ADAMTS20: variants seen among roughly 807,000 people sequenced by gnomAD.
ADAMTS20 encodes the protein A disintegrin and metalloproteinase with thrombospondin motifs 20.
Under a neutral mutation model 260.1 loss-of-function variants are expected in ADAMTS20, and 225 were observed. The ratio of observed to expected loss-of-function variants is 0.87; its 90% CI spans 0.78 to 0.97. The LOEUF is 0.97. Among genes scored for constraint, ADAMTS20 ranks in the 50% least tolerant of loss-of-function variants. The probability of loss-of-function intolerance (pLI) is 0.00; values close to 1 mark genes in which losing one functional copy is unlikely to be tolerated. For synonymous variants in ADAMTS20, 802 were observed against 769.5 expected, an observed-to-expected ratio of 1.04 and a Z score of -0.70; for missense variants, 2,400 against 2,337.7, an observed-to-expected ratio of 1.03 and a Z score of -0.55.
chr12:43,466,614 C>T lies in ADAMTS20; in HGVS notation c.1367+38G>A, dbSNP rs146111978. 3.6e-4 allele frequency: 556 copies of T among 1,546,222 alleles called. 2 individuals are homozygous for T. The African/African-American group carries it at 6.0e-3, about 17-fold the overall frequency. On this transcript the variant is annotated intron_variant, in intron 9 of 38. Coordinates refer to ENST00000389420, the MANE Select transcript of ADAMTS20 (RefSeq NM_025003.5). ...AAATATCAATTTCAAATCTTATAAT[C>T]GAATACATGTTCAATTATTTAACAT...
At chr12:43,428,918 T>A (rs1252435977) in intron 24 of ADAMTS20, 119 bp from the exon 25 acceptor site, 1 of 876,764 alleles carries the variant, frequency 1.1e-6, no homozygotes, top group African/African-American at 1.7e-5. Flanking sequence ...TTTTAAATTA[T>A]TATAGATAAT....
chr12:43,421,479 T>C (rs973029870), intron 28 of ADAMTS20, among the ~76,000 whole-genome samples: 2 of 152,020 alleles, frequency 1.3e-5, no homozygotes, highest in Non-Finnish European at 2.9e-5. Context: ...AATAAATTAC[T>C]TCTAAAATGA....
intron 3 of ADAMTS20, among the ~76,000 whole-genome samples, chr12:43,512,851 A>G (rs1162238780): frequency 6.6e-6 from 1 of 152,228 alleles, no homozygotes; most frequent in African/African-American, 2.4e-5. Context: ...CTCAGTATCA[A>G]TTATTACAGC....
chr12:43,408,989 C>T (rs1221447966), intron 28 of ADAMTS20, among the ~76,000 whole-genome samples: 4 of 152,106 alleles, frequency 2.6e-5, no homozygotes, highest in African/African-American at 9.7e-5. Context: ...TAGTGCTTGA[C>T]ACAATAACCT....
chr12:43,363,535 C>G (rs986216680), intron 37 of ADAMTS20, among the ~76,000 whole-genome samples: 1 of 152,182 alleles, frequency 6.6e-6, no homozygotes, highest in African/African-American at 2.4e-5. Context: ...GGGTGTTACT[C>G]TGAGGAATGG....
At position 43,428,449 on chromosome 12, in the gene ADAMTS20, C is replaced by G; in HGVS notation, c.3737G>C (p.Cys1246Ser). The change falls in exon 26 of 39, where the codon TGT becomes TCT. Residue 1246 changes from cysteine to serine, a missense_variant. Transcript: ENST00000389420. ...NYHQPIDENYCDPEVRPLMEQ... is the reference protein window; with the variant it reads ...NYHQPIDENYSDPEVRPLMEQ... Reference sequence around the variant, plus strand: ...CATCAAAGGGCGAACTTCAGGATCACAGTAATTCTCATCAATTGGCTGATG... The same window carrying G: ...CATCAAAGGGCGAACTTCAGGATCAGAGTAATTCTCATCAATTGGCTGATG... 1 of 1,613,904 alleles carries G rather than the reference C, an allele frequency of 6.2e-7. No individual in the cohort carries two copies. Among genetic ancestry groups the G allele is most frequent in the Non-Finnish European group, 8.5e-7 (1 of 1,179,882 alleles).
intron 31 of ADAMTS20, among the ~76,000 whole-genome samples, chr12:43,382,100 T>C (rs1472318705): frequency 6.6e-6 from 1 of 152,114 alleles, no homozygotes; most frequent in Non-Finnish European, 1.5e-5. Flanking sequence ...AAATATTAAA[T>C]AGAGTTATGA....
intron 23 of ADAMTS20, among the ~76,000 whole-genome samples, chr12:43,430,004 C>T (rs982552870): frequency 5.3e-5 from 8 of 151,992 alleles, no homozygotes; most frequent in South Asian, 2.1e-4. Context: ...ACATTCTGAA[C>T]GGACACAAAA....
At chr12:43,460,228 A>T (rs1942035584) in intron 11 of ADAMTS20, among the ~76,000 whole-genome samples, 1 of 152,232 alleles carries the variant, frequency 6.6e-6, no homozygotes, top group African/African-American at 2.4e-5. Flanking sequence ...ATTGGCTCTA[A>T]AGTAAATCTT....
chr12:43,542,191 C>A (rs1943385654), intron 2 of ADAMTS20, among the ~76,000 whole-genome samples: 1 of 152,128 alleles, frequency 6.6e-6, no homozygotes. Context: ...CTCAGATGGC[C>A]TCTCCCAAAC....
chr12:43,417,460 T>C (rs968524394), intron 28 of ADAMTS20, among the ~76,000 whole-genome samples: 7 of 152,216 alleles, frequency 4.6e-5, no homozygotes, highest in African/African-American at 1.7e-4. Context: ...CCTGGATATG[T>C]CCTACCACTG....
chr12:43,416,881 A>G (rs934815494), intron 28 of ADAMTS20, among the ~76,000 whole-genome samples: 4 of 151,896 alleles, frequency 2.6e-5, no homozygotes, highest in African/African-American at 9.7e-5. Context: ...CCTACCTGGT[A>G]CCTCTTTTCC....
intron 3 of ADAMTS20, among the ~76,000 whole-genome samples, chr12:43,531,231 A>G (rs1384919218): frequency 6.6e-6 from 1 of 152,104 alleles, no homozygotes; most frequent in Non-Finnish European, 1.5e-5. Context: ...AGAAAACTAT[A>G]TAAAATATGT....
intron 12 of ADAMTS20, 62 bp downstream of exon 12, chr12:43,453,845 T>C (rs1941913684): frequency 1.2e-5 from 19 of 1,537,594 alleles, no homozygotes; most frequent in Non-Finnish European, 1.7e-5. Context: ...TGAGTGAAAC[T>C]GATGTTTACT....
chr12:43,502,455 G>A (rs755351364), intron 3 of ADAMTS20, 50 bp from the exon 4 acceptor site: 9 of 1,528,624 alleles, frequency 5.9e-6, no homozygotes, highest in African/African-American at 1.4e-5. Flanking sequence ...TGGATGTGAC[G>A]AAAAATATCG....
chr12:43,360,379 G>A (rs1167994810), intron 37 of ADAMTS20, among the ~76,000 whole-genome samples: 1 of 152,112 alleles, frequency 6.6e-6, no homozygotes, highest in Non-Finnish European at 1.5e-5. Context: ...AACCTGGGAG[G>A]CAGAGGTTGC....
At chr12:43,358,393 T>G (rs1395581898) in intron 37 of ADAMTS20, among the ~76,000 whole-genome samples, 3 of 152,170 alleles carry the variant, frequency 2.0e-5, no homozygotes, top group East Asian at 1.9e-4. Flanking sequence ...GTAAAACAAT[T>G]ATCTAAAATT....
intron 27 of ADAMTS20, 96 bp from the exon 28 acceptor site, chr12:43,425,786 T>C (rs899116716): frequency 3.6e-6 from 3 of 829,160 alleles, no homozygotes; most frequent in African/African-American, 3.5e-5. Context: ...ATTATGTTTA[T>C]TCTAGTAATT....
At chr12:43,404,178 G>GACAC (rs3031172) in intron 28 of ADAMTS20, among the ~76,000 whole-genome samples, 25,610 of 145,774 alleles carry the variant, frequency 0.18, 2,222 homozygotes, top group Non-Finnish European at 0.2. Flanking sequence ...ATATTGTGGG[G>GACAC]ACACACACAC....
Sources: gnomAD v4.1 joint callset for allele counts (sites outside exome capture counted in the v4.1 genomes callset) on GRCh38, gnomAD v4.1.1 for gene constraint, MANE v1.5 for transcripts, NCBI Gene and HGNC (gene_info 2026-07-23, HGNC 2026-07-21) for gene names.